SEMA5B: variants seen among roughly 807,000 people sequenced by gnomAD.
The protein encoded by SEMA5B is semaphorin-5B.
SEMA5B carries 66 observed loss-of-function variants against 135.0 expected under a neutral mutation model. That is an observed-to-expected ratio of 0.49 (90% CI 0.40 to 0.60). SEMA5B has a LOEUF of 0.60. SEMA5B is among the 20% of genes least tolerant of loss of function. The probability of loss-of-function intolerance (pLI) is 0.00; values close to 1 mark genes in which losing one functional copy is unlikely to be tolerated. For missense variants in SEMA5B, 1,501 were observed against 1,566.3 expected, an observed-to-expected ratio of 0.96 and a Z score of 0.70; for synonymous variants, 690 against 639.5, an observed-to-expected ratio of 1.08 and a Z score of -1.19.
At chr3:123,006,529 C>T (rs1347439735) in intron 1 of SEMA5B, among the ~76,000 whole-genome samples, 1 of 152,182 alleles carries the variant, frequency 6.6e-6, no homozygotes, top group East Asian at 1.9e-4. Context: ...TAAACAACAA[C>T]CTTCTAAGGG....
intron 5 of SEMA5B, among the ~76,000 whole-genome samples, chr3:122,936,196 A>G (rs1196610968): frequency 6.6e-6 from 1 of 152,170 alleles, no homozygotes; most frequent in Non-Finnish European, 1.5e-5. Flanking sequence ...TTCCAGGATG[A>G]TCTCTAGTAA....
chr3:122,957,676 C>T (rs10934626), intron 2 of SEMA5B, among the ~76,000 whole-genome samples: 21,456 of 152,252 alleles, frequency 0.14, 1,697 homozygotes, highest in East Asian at 0.27. Flanking sequence ...CTCACAGCAG[C>T]TTTGCAAGAA....
At chr3:122,928,915 C>T (rs1938797688) in intron 6 of SEMA5B, 81 bp downstream of exon 6, 14 of 1,406,698 alleles carry the variant, frequency 1.0e-5, no homozygotes, top group Non-Finnish European at 1.4e-5. Flanking sequence ...GACCTCAGTC[C>T]ACACAGTGCT....
At chr3:122,976,730 T>C (rs1171427172) in intron 1 of SEMA5B, among the ~76,000 whole-genome samples, 2 of 152,164 alleles carry the variant, frequency 1.3e-5, no homozygotes, top group Non-Finnish European at 2.9e-5. Context: ...ATCATATACA[T>C]CACACAAACA....
chr3:123,005,765 C>G (rs938235455), intron 1 of SEMA5B, among the ~76,000 whole-genome samples: 7 of 152,138 alleles, frequency 4.6e-5, no homozygotes, highest in Non-Finnish European at 2.9e-5. Flanking sequence ...ATGGAGAGAG[C>G]AATCCTGATC....
rs1362450430 is a variant in SEMA5B, at chr3:122,922,105, T to C, written c.1498A>G (p.Lys500Glu). 1 of 1,503,282 alleles carries C rather than the reference T, an allele frequency of 6.7e-7. No homozygotes were observed. The highest frequency in any genetic ancestry group is 8.9e-7 in the Non-Finnish European group (1 of 1,122,128). The allele number at this position is 1,503,282 out of a possible 1,614,324, so 93.1% of individuals were successfully genotyped here. A position where few individuals can be genotyped will look rare whatever the true frequency, so the allele number is the denominator to read the frequency against. Residue 500 changes from lysine (K) to glutamate (E), a missense_variant, in exon 12 of 23, where the codon AAG becomes GAG. Physicochemically the swap from Lys to Glu is moderately conservative, Grantham distance 56. This residue lies in a region of SEMA5B where 574 missense variants were observed against 684.7 expected (regional missense o/e 0.84). Transcript: ENST00000357599. ...YIGTESGTIL[K>E]ALSTASRSLH... ...CTGCGGCTCGCCGTGGACAGCGCCT[T>C]CAGGATGGTGCCCGACTCTGGAGGA...
intron 1 of SEMA5B, among the ~76,000 whole-genome samples, chr3:123,026,280 G>A (rs1164459385): frequency 1.3e-5 from 2 of 152,152 alleles, no homozygotes; most frequent in Non-Finnish European, 2.9e-5. Flanking sequence ...AGGGTAGCCC[G>A]CCCTCCCGGC....
intron 10 of SEMA5B, among the ~76,000 whole-genome samples, chr3:122,922,749 C>G (rs933205008): frequency 2.0e-5 from 3 of 152,066 alleles, no homozygotes; most frequent in South Asian, 2.1e-4. Context: ...TGAGTGTGGA[C>G]GAGTGTCCGG....
chr3:122,921,843 G>A (rs767692169), intron 12 of SEMA5B, 72 bp downstream of exon 12: 382 of 1,337,164 alleles, frequency 2.9e-4, no homozygotes, highest in Admixed American at 4.8e-4. Flanking sequence ...CAGGTCTCCC[G>A]GGTCCAAAGC....
intron 2 of SEMA5B, among the ~76,000 whole-genome samples, chr3:122,959,089 T>C (rs994420896): frequency 6.6e-6 from 1 of 152,118 alleles, no homozygotes; most frequent in African/African-American, 2.4e-5. Context: ...GACAGCAAGA[T>C]TGGGCAGGGA....
At chr3:122,918,891 C>T (rs539453734) in intron 12 of SEMA5B, among the ~76,000 whole-genome samples, 22 of 152,170 alleles carry the variant, frequency 1.4e-4, no homozygotes, top group African/African-American at 5.3e-4. Flanking sequence ...ATGAAAGCTC[C>T]AAGGATAAGA....
At chr3:122,996,819 T>C (rs992122913) in intron 1 of SEMA5B, among the ~76,000 whole-genome samples, 1 of 152,174 alleles carries the variant, frequency 6.6e-6, no homozygotes, top group Non-Finnish European at 1.5e-5. Context: ...GCGTTCGACC[T>C]GCCCAGCCCC....
At chr3:122,930,803 G>A (rs1337217944) in intron 5 of SEMA5B, among the ~76,000 whole-genome samples, 1 of 152,190 alleles carries the variant, frequency 6.6e-6, no homozygotes, top group African/African-American at 2.4e-5. Flanking sequence ...GTTTTACAGG[G>A]AAGAACACTA....
At chr3:122,917,136 A>G (rs1344348853) in intron 12 of SEMA5B, among the ~76,000 whole-genome samples, 1 of 152,202 alleles carries the variant, frequency 6.6e-6, no homozygotes, top group African/African-American at 2.4e-5. Context: ...GGGTCCCTCC[A>G]ACATTCAGCC....
intron 1 of SEMA5B, among the ~76,000 whole-genome samples, chr3:122,979,148 T>G (rs1941437596): frequency 2.0e-5 from 3 of 152,134 alleles, no homozygotes; most frequent in African/African-American, 7.2e-5. Context: ...AGCAAAGTCC[T>G]CAGGTGTCTG....
rs147834558 is a variant in SEMA5B at position 122,909,129 on chromosome 3, G to A, written c.*1014C>T. On this transcript the variant is annotated 3_prime_UTR_variant, in exon 23 of 23. Transcript: ENST00000357599. ...CCTTGAGAGACCATCTGCCACCCTG[G>A]TGCATTGCTCAGATTGCCTAGACTA... 514 of 152,760 alleles carry A rather than the reference G, an allele frequency of 3.4e-3. No homozygotes were observed. The highest frequency in any genetic ancestry group is 0.014 in the Middle Eastern group (4 of 294). The allele number at this position is 152,760 out of a possible 1,614,324, so 9.5% of individuals were successfully genotyped here.
At chr3:122,969,473 C>T (rs777231509) in intron 1 of SEMA5B, among the ~76,000 whole-genome samples, 14 of 152,212 alleles carry the variant, frequency 9.2e-5, no homozygotes, top group African/African-American at 2.9e-4. Flanking sequence ...CGTCCTATCC[C>T]GTGCTGTGTC....
chr3:122,992,519 C>A (rs1259529536), intron 1 of SEMA5B, among the ~76,000 whole-genome samples: 3 of 152,136 alleles, frequency 2.0e-5, no homozygotes, highest in South Asian at 4.1e-4. Context: ...TCTACCCAAC[C>A]AGGAGAGGGA....
chr3:122,950,021 G>A (rs1248961507), intron 2 of SEMA5B, among the ~76,000 whole-genome samples: 1 of 152,196 alleles, frequency 6.6e-6, no homozygotes, highest in Non-Finnish European at 1.5e-5. Context: ...AAAACCCGCT[G>A]TTCTCAATAC....
Sources: allele counts gnomAD v4.1 joint callset (sites outside exome capture counted in the v4.1 genomes callset), GRCh38; gene constraint gnomAD v4.1.1; regional missense constraint gnomAD v4.1.1; transcripts MANE v1.5; gene names NCBI Gene and HGNC (gene_info 2026-07-23, HGNC 2026-07-21).